Variants in KDM6A observed in about 807,000 individuals in gnomAD.
KDM6A encodes the protein lysine-specific demethylase 6A.
A neutral mutation model predicts 117.6 loss-of-function variants in KDM6A; 11 were observed. The observed-to-expected ratio is 0.09, with a 90% confidence interval of 0.06 to 0.15. The LOEUF is 0.15. Among genes scored for constraint, KDM6A ranks in the 10% least tolerant of loss-of-function variants. The pLI, the probability that KDM6A is intolerant of heterozygous loss-of-function variation, is 1.00. For synonymous variants in KDM6A, 384 were observed against 396.1 expected (o/e 0.97, Z 0.36); for missense variants, 799 against 1,077.3 (o/e 0.74, Z 3.62).
intron 24 of KDM6A, among the ~76,000 whole-genome samples, chrX:45,084,094 A>G (rs915150724): frequency 2.7e-5 from 3 of 111,878 alleles, no homozygotes; most frequent in South Asian, 3.7e-4. Context: ...GTGGATCACA[A>G]CTCACGGTTT....
At chrX:45,051,050 C>A (rs1013876077) in intron 8 of KDM6A, among the ~76,000 whole-genome samples, 2 of 111,500 alleles carry the variant, frequency 1.8e-5, no homozygotes, top group South Asian at 7.5e-4. Flanking sequence ...TGCTCTGTTG[C>A]CCAGGCTGGA....
intron 10 of KDM6A, among the ~76,000 whole-genome samples, chrX:45,055,191 A>G (rs140940425): frequency 0.047 from 5,236 of 111,342 alleles, 319 homozygotes; most frequent in African/African-American, 0.16. Context: ...TAAATTTGCC[A>G]TATAATCACA....
At position 44,975,593 on chromosome X, in the gene KDM6A, C is replaced by G. The variant is rs183824960; in HGVS notation, c.384+878C>G. 5.2e-3 allele frequency among the ~76,000 whole-genome samples: 584 copies of G among 111,474 alleles called. 2 individuals are homozygous for G. Among genetic ancestry groups the G allele is most frequent in the African/African-American group, 0.018 (546 of 30,689 alleles). On this transcript the variant is annotated intron_variant, in intron 4 of 29. Transcript: ENST00000611820. ...TTTATCACATGCTATAAAATTATAG[C>G]TTAATTCACATGCTATAAAATTATA...
intron 3 of KDM6A, among the ~76,000 whole-genome samples, chrX:44,969,193 G>A (rs954013751): frequency 9.1e-6 from 1 of 109,983 alleles, no homozygotes; most frequent in Non-Finnish European, 1.9e-5. Context: ...CCAATTATAA[G>A]TTCCCTGAAA....
chrX:45,090,993 T>C (rs2045871187), intron 27 of KDM6A, 129 bp downstream of exon 27: 1 of 687,761 alleles, frequency 1.5e-6, no homozygotes, highest in Non-Finnish European at 2.3e-6. Context: ...GAATGTATTA[T>C]GAGAATCCAC....
intron 8 of KDM6A, among the ~76,000 whole-genome samples, chrX:45,040,381 G>A (rs1371141058): frequency 3.3e-5 from 3 of 91,928 alleles, no homozygotes; most frequent in Non-Finnish European, 6.6e-5. Flanking sequence ...GGACAGGGCG[G>A]CTGGCCAGGC....
chrX:45,065,479 A>AAAGAGGCAAAAG (rs2044490471), intron 17 of KDM6A, among the ~76,000 whole-genome samples: 2 of 112,081 alleles, frequency 1.8e-5, no homozygotes, highest in African/African-American at 6.5e-5. Context: ...TACTCTGTGG[A>AAAGAGGCAAAAG]TAGACTGAAA....
At position 44,960,880 on chromosome X, in the gene KDM6A, A is replaced by G. The variant is rs73488893; in HGVS notation, c.226-404A>G. ...TTTATTACTCTAGAGATTCTGTGAG[A>G]TCTCACATAATTCAATAAAGTTCTT... On this transcript the variant is annotated intron_variant, in intron 2 of 29. Transcript: ENST00000611820. Among the ~76,000 whole-genome samples the G allele has an allele frequency of 7.3e-3, 814 of 111,737 alleles. 13 individuals carry two copies. The highest frequency in any genetic ancestry group is 0.025 in the African/African-American group (782 of 30,833).
In KDM6A at chrX:44,873,511, G is replaced by C. The variant is rs749982089; in HGVS notation, c.-41G>C. 3.3e-6 allele frequency: 4 copies of C among 1,208,569 alleles called. No individual in the cohort carries two copies. The highest frequency in any genetic ancestry group is 4.5e-6 in the Non-Finnish European group (4 of 894,316). ...GCGTCACTGCGGGCCCCGGTCCGAG[G>C]GGGGGTGTCGGCGTTGGAGTTGTGA... On this transcript the variant is annotated 5_prime_UTR_variant, in exon 1 of 30. Coordinates refer to ENST00000611820, the MANE Select transcript of KDM6A (RefSeq NM_001291415.2).
intron 2 of KDM6A, among the ~76,000 whole-genome samples, chrX:44,884,533 A>G (rs1401816763): frequency 8.9e-6 from 1 of 111,875 alleles, no homozygotes; most frequent in Non-Finnish European, 1.9e-5. Context: ...CATTTCCCGC[A>G]GACTATTGCA....
At chrX:44,893,388 A>C (rs2033547124) in intron 2 of KDM6A, among the ~76,000 whole-genome samples, 1 of 111,484 alleles carries the variant, frequency 9.0e-6, no homozygotes, top group Non-Finnish European at 1.9e-5. Flanking sequence ...TTTTCTTTTG[A>C]GCAATTGCAA....
intron 2 of KDM6A, among the ~76,000 whole-genome samples, chrX:44,899,224 CGTGTGTGTGTGT>C (rs572085670): frequency 0.013 from 636 of 49,257 alleles, 2 homozygotes; most frequent in South Asian, 0.034. Context: ...TGTGTGTATG[CGTGTGTGTGTGT>C]GTGTGTGTGT....
chrX:44,943,554 G>C (rs1237526366), intron 2 of KDM6A, among the ~76,000 whole-genome samples: 1 of 111,925 alleles, frequency 8.9e-6, no homozygotes, highest in Non-Finnish European at 1.9e-5. Context: ...TATACTATGT[G>C]ATCTTTTGAG....
In KDM6A at chrX:45,110,152, A is replaced by G. The variant is rs759721484; in HGVS notation, c.4235A>G (p.Asp1412Gly). 8.3e-7 allele frequency: 1 copy of G among 1,209,923 alleles called. No individual in the cohort carries two copies. The highest frequency in any genetic ancestry group is 3.0e-5 in the East Asian group (1 of 33,807). ...AAGACCTACATAGTACATTGCCAAG[A>G]TTGTGCACGAAAAACAAGCGGAAAC... ...SRKTYIVHCQDCARKTSGNLE... is the reference protein window; with the variant it reads ...SRKTYIVHCQGCARKTSGNLE... The change falls in exon 29 of 30, where the codon GAT becomes GGT. Residue 1412 changes from aspartate to glycine, a missense_variant. By Grantham distance (94) the Asp-to-Gly change is moderately conservative. Coordinates refer to ENST00000611820, the MANE Select transcript of KDM6A (RefSeq NM_001291415.2).
At chrX:45,092,301 T>G (rs943873918) in intron 27 of KDM6A, among the ~76,000 whole-genome samples, 1 of 111,721 alleles carries the variant, frequency 9.0e-6, no homozygotes, top group Non-Finnish European at 1.9e-5. Flanking sequence ...AGACTGAAAG[T>G]AACTCATTAC....
At position 45,069,880 on chromosome X, in the gene KDM6A, C is replaced by T. The variant is rs1298658636; in HGVS notation, c.2381C>T (p.Ala794Val). Residue 794 changes from alanine (A) to valine (V), a missense_variant, in exon 18 of 30, where the codon GCC becomes GTC. Coordinates refer to ENST00000611820, the MANE Select transcript of KDM6A (RefSeq NM_001291415.2). Reference protein sequence around the residue: ...RHTGETPNSTASVEGLPNHVH... With the variant: ...RHTGETPNSTVSVEGLPNHVH... ...ACTGGAGAGACACCTAACAGCACTG[C>T]CAGTGTCGAGGGACTTCCTAATCAT... The T allele has an allele frequency of 9.9e-6, 12 of 1,209,428 alleles. No homozygotes were observed. Among genetic ancestry groups the T allele is most frequent in the Non-Finnish European group, 1.2e-5 (11 of 894,651 alleles).
rs182993378 is a variant in KDM6A, at chrX:45,109,209, G to T, written c.4162-870G>T. On this transcript the variant is annotated intron_variant, in intron 28 of 29. Transcript: ENST00000611820. ...AAAAAAAAAGTTATTTTAAGGCCTA[G>T]ACTAGAACCTGGCAATGGGAATATT... 4.6e-5 allele frequency among the ~76,000 whole-genome samples: 5 copies of T among 107,571 alleles called. No homozygotes were observed. The East Asian group carries it at 1.4e-3, about 31-fold the overall frequency. The allele number at this position is 107,571 out of a possible 115,157, so 93.4% of individuals were successfully genotyped here.
chrX:44,969,877 TA>T (rs1302859015), intron 3 of KDM6A, among the ~76,000 whole-genome samples: 1 of 112,634 alleles, frequency 8.9e-6, no homozygotes, highest in African/African-American at 3.2e-5. Context: ...AAACAGGTTT[TA>T]AGCATTGTAT....
At chrX:44,873,767 C>G (rs2031115615) in intron 1 of KDM6A, 55 bp downstream of exon 1, 1 of 1,152,615 alleles carries the variant, frequency 8.7e-7, no homozygotes, top group Middle Eastern at 2.8e-4. Flanking sequence ...AGCCGCTCTC[C>G]CGGGAGGACC....
Sources: allele counts gnomAD v4.1 joint callset (sites outside exome capture counted in the v4.1 genomes callset), GRCh38; gene constraint gnomAD v4.1.1; transcripts MANE v1.5; gene names NCBI Gene and HGNC (gene_info 2026-07-23, HGNC 2026-07-21).